Variants in KIF11 observed in about 807,000 individuals in gnomAD.
KIF11 encodes the protein kinesin family member 11, also known as kinesin-like protein KIF11.
Under a neutral mutation model 121.0 loss-of-function variants are expected in KIF11, and 9 were observed. The ratio of observed to expected loss-of-function variants is 0.07; its 90% CI spans 0.04 to 0.13. The LOEUF (loss-of-function observed/expected upper bound fraction) is 0.13, where lower values mean the gene tolerates loss of function less well. Ranked by LOEUF, KIF11 falls within the 10% of genes least tolerant of loss-of-function variation. KIF11 has a pLI of 1.00. For synonymous variants in KIF11, 408 were observed against 421.0 expected, an observed-to-expected ratio of 0.97 and a Z score of 0.38; for missense variants, 846 against 1,217.5, an observed-to-expected ratio of 0.69 and a Z score of 4.54.
At position 92,593,203 on chromosome 10, in the gene KIF11, C is replaced by G; in HGVS notation, c.-173C>G. On this transcript the variant is annotated 5_prime_UTR_variant, in exon 1 of 22. Coordinates refer to ENST00000260731, the MANE Select transcript of KIF11 (RefSeq NM_004523.4). ...GACTGGCGCGGGACAAACGCCACGGCCAGAGTACCGGGTAGAGAGCGGGGA... is the reference window on the plus strand; with the variant it reads ...GACTGGCGCGGGACAAACGCCACGGGCAGAGTACCGGGTAGAGAGCGGGGA... 1.7e-6 allele frequency: 1 copy of G among 578,990 alleles called. No homozygotes were observed. Among genetic ancestry groups the G allele is most frequent in the Non-Finnish European group, 3.1e-6 (1 of 324,372 alleles). 35.9% of individuals were successfully genotyped at this position (578,990 alleles called of 1,614,324 possible).
chr10:92,593,575 G>A lies in KIF11; in HGVS notation c.77+123G>A, dbSNP rs559924836. 1.1e-3 allele frequency: 852 copies of A among 777,180 alleles called. 3 individuals are homozygous for A. The highest frequency in any genetic ancestry group is 1.4e-3 in the Non-Finnish European group (700 of 485,604). The allele number at this position is 777,180 out of a possible 1,614,324, so 48.1% of individuals were successfully genotyped here. ...GGGTCCCAGTTTCTTGGTTCTCCGC[G>A]TTCTGTTCAATAAAAATGACACCCG... On this transcript the variant is annotated intron_variant, in intron 1 of 21. Transcript: ENST00000260731.
chr10:92,636,602 G>T (rs1352419688), intron 14 of KIF11, among the ~76,000 whole-genome samples: 1 of 151,136 alleles, frequency 6.6e-6, no homozygotes, highest in Admixed American at 6.6e-5. Context: ...GGCCACGAGA[G>T]TGAAACTATA....
intron 18 of KIF11, among the ~76,000 whole-genome samples, chr10:92,646,535 T>C (rs1164790711): frequency 6.6e-6 from 1 of 152,160 alleles, no homozygotes. Context: ...ATTTCAGATT[T>C]GTGATAGGAA....
chr10:92,648,108 C>CAAAAAAAAA (rs34357393), intron 18 of KIF11, 104 bp from the exon 19 acceptor site: 19 of 685,426 alleles, frequency 2.8e-5, no homozygotes, highest in Middle Eastern at 6.5e-4. Flanking sequence ...GACTTGTCTC[C>CAAAAAAAAA]AAAAAAAAAA....
chr10:92,620,375 C>T (rs7084441), intron 9 of KIF11, among the ~76,000 whole-genome samples: 22,732 of 152,152 alleles, frequency 0.15, 3,611 homozygotes, highest in African/African-American at 0.4. Flanking sequence ...CCACCGCGTC[C>T]GGCCAGAGGT....
At chr10:92,604,682 G>T (rs1844410123) in intron 1 of KIF11, among the ~76,000 whole-genome samples, 1 of 152,056 alleles carries the variant, frequency 6.6e-6, no homozygotes. Flanking sequence ...GTAGCAACTT[G>T]GTTTATCTAG....
intron 6 of KIF11, among the ~76,000 whole-genome samples, chr10:92,610,947 T>G (rs987990678): frequency 5.3e-5 from 8 of 152,180 alleles, no homozygotes; most frequent in African/African-American, 1.9e-4. Context: ...TAATTTCATG[T>G]AGAATTTTGA....
At position 92,593,395 on chromosome 10, in the gene KIF11, C is replaced by T; in HGVS notation, c.20C>T (p.Ser7Leu). The T allele has an allele frequency of 1.2e-6, 2 of 1,610,082 alleles. No individual in the cohort carries two copies. The highest frequency in any genetic ancestry group is 1.7e-6 in the Non-Finnish European group (2 of 1,178,600). MASQPN[S>L]SAKKKEEKGK... ...ACCGTCATGGCGTCGCAGCCAAATT[C>T]GTCTGCGAAGAAGAAAGAGGAGAAG... is the stretch of plus-strand genomic sequence containing the variant. Residue 7 changes from serine to leucine, a missense_variant, in exon 1 of 22, where the codon TCG becomes TTG. Transcript: ENST00000260731.
chr10:92,616,271 C>G (rs927243995), intron 8 of KIF11, among the ~76,000 whole-genome samples: 2 of 150,488 alleles, frequency 1.3e-5, no homozygotes, highest in Admixed American at 6.6e-5. Flanking sequence ...GTGGCACATT[C>G]ACTGTAACCT....
intron 8 of KIF11, among the ~76,000 whole-genome samples, chr10:92,614,065 C>CACACACACACACACACACACACAT (rs1491391031): frequency 1.7e-5 from 2 of 116,586 alleles, no homozygotes; most frequent in African/African-American, 7.1e-5. Flanking sequence ...CACACACACA[C>CACACACACACACACACACACACAT]ATATAGTAGG....
chr10:92,610,684 T>G (rs1844486425), intron 6 of KIF11, among the ~76,000 whole-genome samples: 1 of 152,214 alleles, frequency 6.6e-6, no homozygotes, highest in Non-Finnish European at 1.5e-5. Flanking sequence ...CTTATCAGTT[T>G]CTCTGAGCTA....
chr10:92,646,288 ACCT>A (rs779142147), intron 18 of KIF11, among the ~76,000 whole-genome samples: 1 of 151,860 alleles, frequency 6.6e-6, no homozygotes, highest in Non-Finnish European at 1.5e-5. Context: ...GTACATTCAA[ACCT>A]ATTATTATTT....
chr10:92,651,366 G>A (rs1444922328), intron 21 of KIF11, among the ~76,000 whole-genome samples: 5 of 147,878 alleles, frequency 3.4e-5, no homozygotes, highest in African/African-American at 2.5e-5. Flanking sequence ...ACGGAGCTTC[G>A]CTCTTGTTTC....
intron 9 of KIF11, among the ~76,000 whole-genome samples, chr10:92,618,177 T>G (rs1172407978): frequency 6.6e-6 from 1 of 152,188 alleles, no homozygotes; most frequent in Non-Finnish European, 1.5e-5. Context: ...TTTGTCTTAT[T>G]AAGTTGTAAG....
chr10:92,642,265 T>G (rs576408834), intron 17 of KIF11, among the ~76,000 whole-genome samples: 1 of 152,310 alleles, frequency 6.6e-6, no homozygotes, highest in Non-Finnish European at 1.5e-5. Flanking sequence ...TATTTAAGTA[T>G]TTTTTAGCTG....
rs529993779 is a variant in KIF11, at chr10:92,622,229, G to A, written c.1217+756G>A. On this transcript the variant is annotated intron_variant, in intron 10 of 21. Transcript: ENST00000260731. ...GCGGAGGTTGTGGTGAGCCAAGATC[G>A]CGCCATTGCACTCCAGCCTGGGCAA... Among the ~76,000 whole-genome samples, 219 of 152,140 alleles carry A rather than the reference G, an allele frequency of 1.4e-3. 2 individuals are homozygous for A. The highest frequency in any genetic ancestry group is 2.6e-3 in the Non-Finnish European group (174 of 68,006).
chr10:92,637,616 A>G, intron 16 of KIF11, 71 bp downstream of exon 16: 1 of 1,423,708 alleles, frequency 7.0e-7, no homozygotes, highest in Non-Finnish European at 9.6e-7. Context: ...CTTGATAATT[A>G]ATCTATGTTA....
chr10:92,620,881 G>A (rs1008203894), intron 9 of KIF11, among the ~76,000 whole-genome samples: 10 of 152,236 alleles, frequency 6.6e-5, no homozygotes, highest in Non-Finnish European at 1.3e-4. Context: ...CCCGCAACGC[G>A]TGGGAATTAT....
chr10:92,608,446 G>GGT (rs1554859517), intron 4 of KIF11, among the ~76,000 whole-genome samples: 5,193 of 148,792 alleles, frequency 0.035, 335 homozygotes, highest in African/African-American at 0.12. Flanking sequence ...TGAACTTGGC[G>GGT]TTTTTTTTTT....
Sources: gnomAD v4.1 joint callset for allele counts (sites outside exome capture counted in the v4.1 genomes callset) on GRCh38, gnomAD v4.1.1 for gene constraint, MANE v1.5 for transcripts, NCBI Gene and HGNC (gene_info 2026-07-23, HGNC 2026-07-21) for gene names.